SS18: variants seen among roughly 807,000 people sequenced by gnomAD.
SS18 encodes SS18 subunit of BAF chromatin remodeling complex, also known as protein SSXT.
Under a neutral mutation model 72.5 loss-of-function variants are expected in SS18, and 28 were observed. That is an observed-to-expected ratio of 0.39 (90% CI 0.29 to 0.53). SS18 has a LOEUF of 0.53. Ranked by LOEUF, SS18 falls within the 20% of genes least tolerant of loss-of-function variation. The pLI is 0.76. For synonymous variants in SS18, 172 were observed against 164.2 expected, an observed-to-expected ratio of 1.05 and a Z score of -0.37; for missense variants, 518 against 535.3, an observed-to-expected ratio of 0.97 and a Z score of 0.32.
At chr18:26,043,503 GCT>G (rs1180388223) in intron 5 of SS18, among the ~76,000 whole-genome samples, 1 of 151,898 alleles carries the variant, frequency 6.6e-6, no homozygotes, top group East Asian at 1.9e-4. Flanking sequence ...CCCAATTATA[GCT>G]CTTATTTGGA....
At chr18:26,056,003 C>T (rs1036031442) in intron 4 of SS18, among the ~76,000 whole-genome samples, 4 of 152,158 alleles carry the variant, frequency 2.6e-5, no homozygotes, top group East Asian at 3.9e-4. Flanking sequence ...GTGATCCACC[C>T]GCCTTGGCCT....
chr18:26,038,431 G>A (rs768888782), intron 7 of SS18, 124 bp downstream of exon 7: 11 of 837,480 alleles, frequency 1.3e-5, no homozygotes, highest in Non-Finnish European at 1.8e-5. Flanking sequence ...GTACTGAAGT[G>A]TTTCAAAATT....
At chr18:26,090,703 G>C, upstream of SS18, 2 of 918,380 alleles carry the variant, frequency 2.2e-6, no homozygotes, top group South Asian at 1.6e-5. Context: ...CCAAGCGGAC[G>C]GGCGGCGGGG....
rs1204891638 is a variant in SS18 at position 26,017,899 on chromosome 18, C to A, written c.*455G>T. On this transcript the variant is annotated 3_prime_UTR_variant, in exon 11 of 11. Transcript: ENST00000415083. The stretch of plus-strand genomic sequence containing the variant: ...TGATGCTGTCCAGTGCGTAGTGTAC[C>A]GCCTTGCATATTCACCACATGAAAT... 1 of 235,432 alleles carries A rather than the reference C, an allele frequency of 4.2e-6. No homozygotes were observed. The highest frequency in any genetic ancestry group is 8.4e-6 in the Non-Finnish European group (1 of 119,502). The allele number at this position is 235,432 out of a possible 1,614,324, so 14.6% of individuals were successfully genotyped here.
At chr18:26,039,520 A>G in intron 5 of SS18, 64 bp from the exon 6 acceptor site, 2 of 1,440,870 alleles carry the variant, frequency 1.4e-6, no homozygotes, top group Non-Finnish European at 1.9e-6. Flanking sequence ...CTCAAGAGAA[A>G]TAAGATAATC....
chr18:26,085,212 C>T (rs1201204090), intron 2 of SS18, among the ~76,000 whole-genome samples: 1 of 152,004 alleles, frequency 6.6e-6, no homozygotes, highest in Non-Finnish European at 1.5e-5. Flanking sequence ...TTGTTGGCGG[C>T]GTTAAGTAGA....
rs1015553113 is a variant in SS18, at chr18:26,076,339, C to T, written c.231+1737G>A. On this transcript the variant is annotated intron_variant, in intron 3 of 10. Transcript: ENST00000415083. ...AATTCATAAAAACAGACCAAGGAAACGATATAAACAGATCAGACACAGACC... is the reference window on the plus strand; with the variant it reads ...AATTCATAAAAACAGACCAAGGAAATGATATAAACAGATCAGACACAGACC... Among the ~76,000 whole-genome samples the T allele has an allele frequency of 7.3e-5, 11 of 149,840 alleles. No individual in the cohort carries two copies. The South Asian group carries it at 1.3e-3, about 17-fold the overall frequency.
intron 4 of SS18, 67 bp downstream of exon 4, chr18:26,057,522 T>C: frequency 6.3e-7 from 1 of 1,582,664 alleles, no homozygotes. Context: ...TAGTATCCCT[T>C]GAGCCCCCAT....
intron 10 of SS18, among the ~76,000 whole-genome samples, chr18:26,021,031 TAGA>T (rs1055477834): frequency 2.0e-5 from 3 of 152,172 alleles, no homozygotes; most frequent in Non-Finnish European, 2.9e-5. Flanking sequence ...CTCCATTTTA[TAGA>T]AGAAGAAATG....
intron 3 of SS18, 49 bp from the exon 4 acceptor site, chr18:26,057,791 A>G (rs1475547694): frequency 6.5e-7 from 1 of 1,531,836 alleles, no homozygotes; most frequent in Non-Finnish European, 8.8e-7. Flanking sequence ...TAATATACGA[A>G]AGATGCATAG....
intron 5 of SS18, among the ~76,000 whole-genome samples, chr18:26,052,221 T>C (rs2053935073): frequency 6.6e-6 from 1 of 152,358 alleles, no homozygotes; most frequent in South Asian, 2.1e-4. Flanking sequence ...TACCTTTTAA[T>C]GCTGAAACAC....
intron 5 of SS18, among the ~76,000 whole-genome samples, chr18:26,042,888 G>A (rs566872085): frequency 6.6e-6 from 1 of 151,838 alleles, no homozygotes; most frequent in Non-Finnish European, 1.5e-5. Flanking sequence ...TATATATATA[G>A]AACATTCATA....
intron 1 of SS18, chr18:26,089,788 G>GA (rs2054683314): frequency 6.6e-6 from 1 of 152,282 alleles, no homozygotes; most frequent in South Asian, 2.1e-4. Context: ...TCCACCATTA[G>GA]ACTGTAAGCT....
At chr18:26,022,935 C>A (rs2053378472) in intron 10 of SS18, among the ~76,000 whole-genome samples, 1 of 152,180 alleles carries the variant, frequency 6.6e-6, no homozygotes, top group Admixed American at 6.5e-5. Flanking sequence ...GGGCAAAACA[C>A]CCAAAAGGCT....
upstream of SS18, chr18:26,090,947 C>G (rs531118014): frequency 3.4e-6 from 1 of 294,112 alleles, no homozygotes; most frequent in East Asian, 8.1e-5. Flanking sequence ...CAGCCCCTGT[C>G]ACAGGAAATG....
At chr18:26,084,637 A>G (rs2054585471) in intron 2 of SS18, among the ~76,000 whole-genome samples, 1 of 152,184 alleles carries the variant, frequency 6.6e-6, no homozygotes, top group South Asian at 2.1e-4. Flanking sequence ...GAAGGACACA[A>G]TATCACGTCA....
At chr18:26,061,363 C>A (rs1052513162) in intron 3 of SS18, among the ~76,000 whole-genome samples, 22 of 152,218 alleles carry the variant, frequency 1.4e-4, no homozygotes, top group African/African-American at 4.6e-4. Flanking sequence ...AGAATTTCAG[C>A]AAAGCCCTGT....
At chr18:26,080,600 G>A (rs1265467659) in intron 2 of SS18, among the ~76,000 whole-genome samples, 2 of 152,182 alleles carry the variant, frequency 1.3e-5, no homozygotes, top group African/African-American at 2.4e-5. Context: ...CTTTTATGAA[G>A]TAGTTTCATT....
At chr18:26,066,628 ACAT>A (rs2054224580) in intron 3 of SS18, among the ~76,000 whole-genome samples, 1 of 151,820 alleles carries the variant, frequency 6.6e-6, no homozygotes, top group Non-Finnish European at 1.5e-5. Context: ...ACACACACAC[ACAT>A]TTCTGTTCTT....
Sources: gnomAD v4.1 joint callset for allele counts (sites outside exome capture counted in the v4.1 genomes callset) on GRCh38, gnomAD v4.1.1 for gene constraint, MANE v1.5 for transcripts, NCBI Gene and HGNC (gene_info 2026-07-23, HGNC 2026-07-21) for gene names.